The following CCDC7 variants were observed in gnomAD, a reference collection of about 807,000 sequenced individuals.
CCDC7 encodes the protein coiled-coil domain-containing protein 7.
Under a neutral mutation model 196.9 loss-of-function variants are expected in CCDC7, and 183 were observed. That is an observed-to-expected ratio of 0.93 (90% CI 0.82 to 1.05). The LOEUF (loss-of-function observed/expected upper bound fraction) is 1.05. CCDC7 is among the 50% of genes least tolerant of loss of function. CCDC7 has a pLI of 0.00. For missense variants in CCDC7, 1,540 were observed against 1,482.2 expected (o/e 1.04, Z -0.64); for synonymous variants, 525 against 484.6 (o/e 1.08, Z -1.10).
chr10:32,683,845 C>A lies in CCDC7; in HGVS notation c.2123-2125C>A, dbSNP rs370831420. 1.4e-4 allele frequency among the ~76,000 whole-genome samples: 22 copies of A among 152,258 alleles called. No individual in the cohort carries two copies. The South Asian group carries it at 3.5e-3, about 24-fold the overall frequency. ...CATTGAGGGCCAAGGTCGGAAGGCC[C>A]TGCTTAGTAAGGAGTAGCAAGGCCT... On this transcript the variant is annotated intron_variant, in intron 21 of 41. Coordinates refer to ENST00000639629, the Ensembl canonical transcript of CCDC7.
At chr10:32,443,725 T>G (rs906565414), upstream of CCDC7, among the ~76,000 whole-genome samples, 12 of 152,230 alleles carry the variant, frequency 7.9e-5, no homozygotes, top group Non-Finnish European at 1.3e-4. Context: ...AAACCTGTAG[T>G]ATATGTCATT....
At chr10:32,640,526 T>C (rs931587628) in intron 20 of CCDC7, among the ~76,000 whole-genome samples, 4 of 152,168 alleles carry the variant, frequency 2.6e-5, no homozygotes, top group African/African-American at 9.7e-5. Context: ...TTAGTATTGT[T>C]ATGTGTGAAT....
intron 18 of CCDC7, among the ~76,000 whole-genome samples, chr10:32,596,320 G>T (rs2060348989): frequency 6.6e-6 from 1 of 152,006 alleles, no homozygotes; most frequent in African/African-American, 2.4e-5. Flanking sequence ...ATCTTTGTTG[G>T]TTTAAAGTCT....
At chr10:32,472,893 G>A (rs767044346) in intron 7 of CCDC7, among the ~76,000 whole-genome samples, 2 of 152,176 alleles carry the variant, frequency 1.3e-5, no homozygotes, top group Non-Finnish European at 2.9e-5. Context: ...GCCATGCCCG[G>A]CATGTTTGAC....
At position 32,567,332 on chromosome 10, in the gene CCDC7, A is replaced by T. The variant is rs1030141385; in HGVS notation, c.1198-338A>T. Among the ~76,000 whole-genome samples the T allele has an allele frequency of 1.0e-3, 152 of 151,908 alleles. 1 individual carries two copies. The highest frequency in any genetic ancestry group is 1.8e-3 in the Non-Finnish European group (124 of 67,926). ...TTCTTTGATATTATAGGTGCTAATT[A>T]TCCTTCTTATAGTCTATCAATTTTT... On this transcript the variant is annotated intron_variant, in intron 14 of 41. Transcript: ENST00000639629.
intron 20 of CCDC7, among the ~76,000 whole-genome samples, chr10:32,648,884 A>G (rs1285102974): frequency 1.3e-5 from 2 of 152,178 alleles, no homozygotes; most frequent in African/African-American, 4.8e-5. Context: ...ACTATTTACA[A>G]TAGGAAAGTC....
At chr10:32,878,060 TC>T (rs1454701252), downstream of CCDC7, among the ~76,000 whole-genome samples, 1 of 152,096 alleles carries the variant, frequency 6.6e-6, no homozygotes, top group Non-Finnish European at 1.5e-5. Flanking sequence ...ACCATCTTTT[TC>T]ATGGCAATTA....
At chr10:32,552,391 G>A (rs1478189790) in intron 13 of CCDC7, among the ~76,000 whole-genome samples, 2 of 152,110 alleles carry the variant, frequency 1.3e-5, no homozygotes, top group East Asian at 1.9e-4. Flanking sequence ...TAAGTCCAAT[G>A]TTAGTAATGA....
At chr10:32,606,145 A>G (rs1176955524) in intron 18 of CCDC7, among the ~76,000 whole-genome samples, 2 of 152,242 alleles carry the variant, frequency 1.3e-5, no homozygotes, top group Non-Finnish European at 2.9e-5. Context: ...AGCTCAGGCC[A>G]CTGCTTCAGA....
At chr10:32,464,788 G>T (rs1165623501) in intron 5 of CCDC7, among the ~76,000 whole-genome samples, 1 of 152,154 alleles carries the variant, frequency 6.6e-6, no homozygotes, top group African/African-American at 2.4e-5. Flanking sequence ...TGGGATTACA[G>T]GCGTGAGCCA....
chr10:32,589,213 T>TA (rs1311988400), intron 18 of CCDC7, among the ~76,000 whole-genome samples: 1 of 152,172 alleles, frequency 6.6e-6, no homozygotes, highest in Non-Finnish European at 1.5e-5. Flanking sequence ...TCAATTGTTT[T>TA]AATTTTTAGC....
At chr10:32,792,989 C>T (rs12360045) in intron 29 of CCDC7, among the ~76,000 whole-genome samples, 20 of 152,124 alleles carry the variant, frequency 1.3e-4, no homozygotes, top group Non-Finnish European at 2.6e-4. Flanking sequence ...TAAGTTCTTA[C>T]CTATAAATAA....
At chr10:32,482,960 C>T (rs1164014568) in intron 8 of CCDC7, among the ~76,000 whole-genome samples, 2 of 152,230 alleles carry the variant, frequency 1.3e-5, no homozygotes, top group East Asian at 1.9e-4. Flanking sequence ...AATAAACATA[C>T]GTGTGCATGT....
chr10:32,588,694 A>AT (rs35605339), intron 18 of CCDC7, among the ~76,000 whole-genome samples: 1 of 151,848 alleles, frequency 6.6e-6, no homozygotes, highest in Non-Finnish European at 1.5e-5. Flanking sequence ...CTATTCTTTT[A>AT]TTTTTTAGAA....
exon 1 of CCDC7, chr10:32,451,893 T>C: frequency 6.2e-7 from 1 of 1,611,258 alleles, no homozygotes; most frequent in Non-Finnish European, 8.5e-7. Flanking sequence ...GATGAAATGA[T>C]CGGAAAAATT....
Position 32,500,128 on chromosome 10 carries a change from G to A in CCDC7, c.872+8131G>A, listed in dbSNP as rs577512076. Among the ~76,000 whole-genome samples the A allele has an allele frequency of 3.4e-3, 519 of 152,320 alleles. 5 individuals carry two copies. The highest frequency in any genetic ancestry group is 0.012 in the African/African-American group (491 of 41,580). On this transcript the variant is annotated intron_variant, in intron 9 of 41. Coordinates refer to ENST00000639629, the Ensembl canonical transcript of CCDC7. ...CATGAGCTGTTGGGTACACCTCCCA[G>A]ATGGGGTGGTGGCCGGGCAGAGGGG... is the stretch of plus-strand genomic sequence containing the variant.
At chr10:32,878,060 T>C (rs2094652028), downstream of CCDC7, among the ~76,000 whole-genome samples, 1 of 152,096 alleles carries the variant, frequency 6.6e-6, no homozygotes, top group Non-Finnish European at 1.5e-5. Context: ...ACCATCTTTT[T>C]CATGGCAATT....
chr10:32,773,341 A>G (rs1048767632), intron 28 of CCDC7, among the ~76,000 whole-genome samples: 6 of 152,064 alleles, frequency 3.9e-5, no homozygotes, highest in Admixed American at 2.6e-4. Context: ...CGTAATTCTG[A>G]TAGGCCTTCT....
At chr10:32,755,967 C>T (rs1041583170) in intron 28 of CCDC7, among the ~76,000 whole-genome samples, 1 of 152,102 alleles carries the variant, frequency 6.6e-6, no homozygotes, top group Non-Finnish European at 1.5e-5. Context: ...CATGCACAAG[C>T]TTCAGTAGCC....
Sources: allele counts gnomAD v4.1 joint callset (sites outside exome capture counted in the v4.1 genomes callset), GRCh38; gene constraint gnomAD v4.1.1; transcripts MANE v1.5; gene names NCBI Gene and HGNC (gene_info 2026-07-23, HGNC 2026-07-21).